The following ANGEL1 variants were observed in gnomAD, a reference collection of about 807,000 sequenced individuals.
ANGEL1 encodes RNA 2',3'-cyclic phosphatase ANGEL1.
A neutral mutation model predicts 76.4 loss-of-function variants in ANGEL1; 62 were observed. That is an observed-to-expected ratio of 0.81 (90% CI 0.66 to 1.00). The LOEUF (loss-of-function observed/expected upper bound fraction) is 1.00. ANGEL1 is among the 50% of genes least tolerant of loss of function. The pLI is 0.00. For synonymous variants in ANGEL1, 340 were observed against 331.7 expected, an observed-to-expected ratio of 1.03 and a Z score of -0.27; for missense variants, 737 against 836.7, an observed-to-expected ratio of 0.88 and a Z score of 1.47.
chr14:76,798,361 A>T (rs890010567), intron 7 of ANGEL1, among the ~76,000 whole-genome samples: 1 of 151,950 alleles, frequency 6.6e-6, no homozygotes, highest in Non-Finnish European at 1.5e-5. Flanking sequence ...TCCTGGCCTC[A>T]AGTAATCCTT....
chr14:76,803,262 AG>A (rs1170731728), intron 7 of ANGEL1, 108 bp downstream of exon 7: 17 of 856,028 alleles, frequency 2.0e-5, no homozygotes, highest in Non-Finnish European at 2.2e-5. Flanking sequence ...TATTACCAGA[AG>A]CTAATCTCTA....
At chr14:76,790,806 C>A in intron 8 of ANGEL1, 32 bp from the exon 9 acceptor site, 2 of 1,531,632 alleles carry the variant, frequency 1.3e-6, no homozygotes, top group Non-Finnish European at 1.8e-6. Flanking sequence ...CATTAGTTAA[C>A]AAAAATTACT....
chr14:76,810,820 C>T (rs1895062038), intron 1 of ANGEL1, among the ~76,000 whole-genome samples: 1 of 152,228 alleles, frequency 6.6e-6, no homozygotes, highest in Non-Finnish European at 1.5e-5. Context: ...AGCCCCCAAA[C>T]TCTGAGCACA....
Position 76,806,653 on chromosome 14 carries a change from G to T in ANGEL1, c.1143C>A (p.Val381=), listed in dbSNP as rs755496848. ...TTGCCACACACAGCGGGGCCACCGAGACTTGTCCCAGGCCTTCTGGGACGA... is the reference window on the plus strand; with the variant it reads ...TTGCCACACACAGCGGGGCCACCGATACTTGTCCCAGGCCTTCTGGGACGA... ...QPLVPEGLGQ[V]SVAPLCVANT... is the part of the protein sequence containing the mutation. The change falls in exon 5 of 10, where the codon GTC becomes GTA. Residue 381 remains valine (V), a synonymous_variant. Transcript: ENST00000251089. 6.2e-7 allele frequency: 1 copy of T among 1,614,048 alleles called. No homozygotes were observed. Among genetic ancestry groups the T allele is most frequent in the Admixed American group, 1.7e-5 (1 of 60,030 alleles).
chr14:76,802,802 C>A (rs1052918808), intron 7 of ANGEL1, among the ~76,000 whole-genome samples: 1 of 152,216 alleles, frequency 6.6e-6, no homozygotes, highest in Non-Finnish European at 1.5e-5. Context: ...CCTGCACGAT[C>A]TCCAGTGCTT....
At chr14:76,797,583 G>C (rs1002964834) in intron 7 of ANGEL1, among the ~76,000 whole-genome samples, 1 of 152,108 alleles carries the variant, frequency 6.6e-6, no homozygotes, top group Non-Finnish European at 1.5e-5. Flanking sequence ...CCGGGTGACA[G>C]AGTGAGACTC....
intron 1 of ANGEL1, chr14:76,810,010 C>A (rs1895036881): frequency 5.5e-6 from 2 of 365,266 alleles, no homozygotes; most frequent in African/African-American, 2.1e-5. Context: ...TTCTAAGAAT[C>A]ACATTACATT....
At position 76,786,162 on chromosome 14, in the gene ANGEL1, C is replaced by CT. The variant is rs200154536; in HGVS notation, c.*3065dup. The stretch of plus-strand genomic sequence containing the variant: ...AGCTGAGTTTTCTTTCTTTTCTTTT[C>CT]TTTTCTTTTTTTTTTTTTGAGATGG... On this transcript the variant is annotated 3_prime_UTR_variant, in exon 10 of 10. Transcript: ENST00000251089. 0.015 allele frequency: 2,093 copies of CT among 140,040 alleles called. 42 individuals carry two copies. The highest frequency in any genetic ancestry group is 0.026 in the Middle Eastern group (7 of 272). The allele number at this position is 140,040 out of a possible 1,614,324, so 8.7% of individuals were successfully genotyped here.
intron 7 of ANGEL1, among the ~76,000 whole-genome samples, chr14:76,796,682 T>A (rs987458080): frequency 6.6e-6 from 1 of 152,242 alleles, no homozygotes; most frequent in African/African-American, 2.4e-5. Context: ...GTGTTTGATA[T>A]ATATGAATCA....
At position 76,787,715 on chromosome 14, in the gene ANGEL1, A is replaced by G. The variant is rs914186023; in HGVS notation, c.*1513T>C. The G allele has an allele frequency of 3.3e-5, 5 of 152,540 alleles. No homozygotes were observed. The highest frequency in any genetic ancestry group is 4.4e-5 in the Non-Finnish European group (3 of 68,070). 9.4% of individuals were successfully genotyped at this position (152,540 alleles called of 1,614,324 possible). ...CCCCTGGCTTACTGTCCCGAACTCA[A>G]GTCTCTTGACCACTGTCTTCAGTCC... On this transcript the variant is annotated 3_prime_UTR_variant, in exon 10 of 10. Coordinates refer to ENST00000251089, the MANE Select transcript of ANGEL1 (RefSeq NM_015305.4).
chr14:76,799,684 T>A (rs1894701493), intron 7 of ANGEL1, among the ~76,000 whole-genome samples: 1 of 152,088 alleles, frequency 6.6e-6, no homozygotes, highest in Non-Finnish European at 1.5e-5. Context: ...GCCAGGAGGA[T>A]GGCTTGAGCT....
chr14:76,793,261 A>G, intron 7 of ANGEL1, among the ~76,000 whole-genome samples: 1 of 149,898 alleles, frequency 6.7e-6, no homozygotes, highest in East Asian at 2.0e-4. Context: ...CCATAAGACA[A>G]TATTGTTAAA....
chr14:76,799,278 CTTTTTTTTTTTTTTTTTTTTTT>C (rs71122579), intron 7 of ANGEL1, among the ~76,000 whole-genome samples: 3 of 52,380 alleles, frequency 5.7e-5, no homozygotes, highest in East Asian at 7.3e-4. Context: ...TCATGGCCTC[CTTTTTTTTTTTTTTTTTTTTTT>C]TTTTTTTTTT....
chr14:76,797,398 A>C lies in ANGEL1; in HGVS notation c.1618+5973T>G, dbSNP rs112461006. Among the ~76,000 whole-genome samples the C allele has an allele frequency of 6.0e-3, 908 of 152,306 alleles. 13 individuals are homozygous for C. The highest frequency in any genetic ancestry group is 0.021 in the African/African-American group (879 of 41,562). ...GGGGATCACTTGAGGCCAGGATTCAAGACCAGCCTGGCCAACATGGTGAAA... is the reference window on the plus strand; with the variant it reads ...GGGGATCACTTGAGGCCAGGATTCACGACCAGCCTGGCCAACATGGTGAAA... On this transcript the variant is annotated intron_variant, in intron 7 of 9. Transcript: ENST00000251089.
In ANGEL1 at chr14:76,808,167, A is replaced by T; in HGVS notation, c.650-19T>A. 6.2e-7 allele frequency: 1 copy of T among 1,607,088 alleles called. No homozygotes were observed. On this transcript the variant is annotated intron_variant, in intron 2 of 9. Transcript: ENST00000251089. Reference sequence around the variant, plus strand: ...AAAATTTCTGCAAAGGATTGGGAGAAGCACTCAATGGCAAGTATGAGTAAT... The same window carrying T: ...AAAATTTCTGCAAAGGATTGGGAGATGCACTCAATGGCAAGTATGAGTAAT...
intron 7 of ANGEL1, 106 bp downstream of exon 7, chr14:76,803,265 T>C (rs1333731697): frequency 1.1e-6 from 1 of 891,798 alleles, no homozygotes; most frequent in East Asian, 2.6e-5. Context: ...TACCAGAAGC[T>C]AATCTCTAAG....
chr14:76,788,964 A>C lies in ANGEL1; in HGVS notation c.*264T>G. ...GGGGAGCGCTGGATACATGGAAGGA[A>C]GGGGGAGCCCCCCTTCTGCCTCTCC... On this transcript the variant is annotated 3_prime_UTR_variant, in exon 10 of 10. Transcript: ENST00000251089. 2.4e-6 allele frequency: 1 copy of C among 415,622 alleles called. No homozygotes were observed. Among genetic ancestry groups the C allele is most frequent in the Non-Finnish European group, 4.3e-6 (1 of 231,420 alleles). The allele number at this position is 415,622 out of a possible 1,614,324, so 25.7% of individuals were successfully genotyped here.
In ANGEL1 at chr14:76,791,325, C is replaced by T. The variant is rs1383934083; in HGVS notation, c.1660G>A (p.Ala554Thr). ...GWAESVLEED[A>T]SELEPAFSRT... The stretch of plus-strand genomic sequence containing the variant: ...GAGAAGGCAGGCTCAAGCTCCGATG[C>T]ATCTTCCTCAAGGACAGACTCAGCC... The change falls in exon 8 of 10, where the codon GCA (alanine) becomes ACA (threonine). Residue 554 changes from alanine to threonine, a missense_variant. This residue lies in a region of ANGEL1 where 296 missense variants were observed against 387.2 expected (regional missense o/e 0.76). Transcript: ENST00000251089. 6.2e-7 allele frequency: 1 copy of T among 1,614,132 alleles called. No homozygotes were observed.
chr14:76,809,762 C>T (rs1041007596), intron 1 of ANGEL1, 119 bp from the exon 2 acceptor site: 18 of 795,992 alleles, frequency 2.3e-5, no homozygotes, highest in Non-Finnish European at 3.2e-5. Flanking sequence ...ATCATTGTAC[C>T]ATCACTGAGC....
Sources: gnomAD v4.1 joint callset for allele counts (sites outside exome capture counted in the v4.1 genomes callset) on GRCh38, gnomAD v4.1.1 for gene constraint, gnomAD v4.1.1 regional missense constraint, MANE v1.5 for transcripts, NCBI Gene and HGNC (gene_info 2026-07-23, HGNC 2026-07-21) for gene names.